The following TENM2 variants were observed in gnomAD, a reference collection of about 807,000 sequenced individuals.
The protein encoded by TENM2 is teneurin transmembrane protein 2.
In TENM2, 52 loss-of-function variants were observed where a neutral mutation model predicts 245.2. That is an observed-to-expected ratio of 0.21 (90% confidence interval 0.17 to 0.27). TENM2 has a LOEUF of 0.27. TENM2 is among the 10% of genes least tolerant of loss of function. TENM2 has a pLI of 1.00. For synonymous variants in TENM2, 1,363 were observed against 1,438.9 expected (o/e 0.95, Z 1.19); for missense variants, 3,046 against 3,666.8 (o/e 0.83, Z 4.37).
At chr5:167,091,168 C>T in the TENM2 span, among the ~76,000 whole-genome samples, 1 of 151,930 alleles carries the variant, frequency 6.6e-6, no homozygotes, top group African/African-American at 2.4e-5. Flanking sequence ...AGATGTGGAA[C>T]AGCTTATTGC....
chr5:167,057,267 A>G, the TENM2 span, among the ~76,000 whole-genome samples: 253 of 152,212 alleles, frequency 1.7e-3, no homozygotes, highest in Non-Finnish European at 2.0e-3. Context: ...TAAGATCCTT[A>G]GCTTATTAAT....
chr5:167,597,553 T>TA (rs1776309023), intron 2 of TENM2, among the ~76,000 whole-genome samples: 2 of 152,210 alleles, frequency 1.3e-5, no homozygotes, highest in African/African-American at 4.8e-5. Context: ...TGGTTCACTT[T>TA]AAACAGAACA....
the TENM2 span, among the ~76,000 whole-genome samples, chr5:167,031,785 G>C: frequency 6.6e-6 from 1 of 152,084 alleles, no homozygotes. Flanking sequence ...GGCTGGTCTC[G>C]AACTCCCGAG....
At chr5:167,168,220 A>G in the TENM2 span, 1 of 152,208 alleles carries the variant, frequency 6.6e-6, no homozygotes, top group Non-Finnish European at 1.5e-5. Context: ...GGGCGAATTT[A>G]TCTTCTGCAA....
the TENM2 span, among the ~76,000 whole-genome samples, chr5:167,161,100 G>C: frequency 6.6e-6 from 1 of 152,226 alleles, no homozygotes; most frequent in African/African-American, 2.4e-5. Context: ...TGATGCAACT[G>C]TTTGAAGAAG....
chr5:167,007,365 G>A, the TENM2 span, among the ~76,000 whole-genome samples: 13 of 152,184 alleles, frequency 8.5e-5, no homozygotes, highest in Admixed American at 8.5e-4. The surrounding 1 kb of genome is among the most constrained non-coding windows in gnomAD (Gnocchi z 4.2). Flanking sequence ...AAGGAAAAGA[G>A]CTTATAGAAA....
chr5:168,219,604 T>G (rs1763485299), intron 23 of TENM2, among the ~76,000 whole-genome samples: 1 of 152,092 alleles, frequency 6.6e-6, no homozygotes, highest in East Asian at 1.9e-4. Context: ...TCAAAGTGTC[T>G]GCTGCTGTAG....
the TENM2 span, among the ~76,000 whole-genome samples, chr5:167,032,431 G>T: frequency 6.6e-6 from 1 of 152,156 alleles, no homozygotes; most frequent in South Asian, 2.1e-4. Context: ...TTTGAAGGGG[G>T]TGAGAAACCT....
At chr5:167,909,927 C>A in intron 3 of TENM2, among the ~76,000 whole-genome samples, 1 of 126,526 alleles carries the variant, frequency 7.9e-6, no homozygotes, top group East Asian at 2.2e-4. Flanking sequence ...TTTTTTTTTT[C>A]CAGCATAAAC....
chr5:168,210,308 T>C (rs1040154414), intron 19 of TENM2, among the ~76,000 whole-genome samples: 3 of 152,146 alleles, frequency 2.0e-5, no homozygotes, highest in Admixed American at 6.5e-5. Context: ...TCCCCCAACA[T>C]AGATCTTATA....
chr5:167,715,489 A>G (rs991526447), intron 2 of TENM2, among the ~76,000 whole-genome samples: 10 of 152,208 alleles, frequency 6.6e-5, no homozygotes, highest in African/African-American at 1.9e-4. Context: ...TGGAATTAAA[A>G]TATCATTTTC....
At chr5:168,148,409 C>G (rs1241977365) in intron 12 of TENM2, among the ~76,000 whole-genome samples, 1 of 152,184 alleles carries the variant, frequency 6.6e-6, no homozygotes, top group Non-Finnish European at 1.5e-5. Context: ...TCTCTTATTT[C>G]TCATACTGTG....
At chr5:168,246,983 G>C in exon 27 of TENM2, 1 of 1,613,970 alleles carries the variant, frequency 6.2e-7, no homozygotes, top group Non-Finnish European at 8.5e-7. Context: ...TTGGGCACCG[G>C]ACGCCAGGTG....
At chr5:167,785,133 G>A (rs1235256228) in intron 2 of TENM2, among the ~76,000 whole-genome samples, 1 of 152,156 alleles carries the variant, frequency 6.6e-6, no homozygotes, top group African/African-American at 2.4e-5. Context: ...GTCTGCCAAG[G>A]CATGTATGTA....
At chr5:167,655,857 T>C (rs1754807677) in intron 2 of TENM2, among the ~76,000 whole-genome samples, 1 of 152,178 alleles carries the variant, frequency 6.6e-6, no homozygotes, top group Admixed American at 6.5e-5. Flanking sequence ...AATACTATCC[T>C]AAACTAGCTC....
chr5:167,833,025 A>G (rs1161680436), intron 2 of TENM2, among the ~76,000 whole-genome samples: 2 of 152,196 alleles, frequency 1.3e-5, no homozygotes, highest in Non-Finnish European at 2.9e-5. Context: ...GGTTTAGTAC[A>G]GAACTAAAAA....
At position 167,718,602 on chromosome 5, in the gene TENM2, A is replaced by G. The variant is rs1759419637; in HGVS notation, c.503-157384A>G. Among the ~76,000 whole-genome samples, 3 of 152,334 alleles carry G rather than the reference A, an allele frequency of 2.0e-5. No homozygotes were observed. In the South Asian group the frequency reaches 6.2e-4, roughly 32 times the overall value. On this transcript the variant is annotated intron_variant, in intron 2 of 28. Coordinates refer to ENST00000518659, the Ensembl canonical transcript of TENM2. The stretch of plus-strand genomic sequence containing the variant: ...CAAATACATAGTTCAAAACAGGTTA[A>G]GTGAGTCTTGATATCTGAATTATTT...
At chr5:167,729,735 GGT>G (rs1479780436) in intron 2 of TENM2, among the ~76,000 whole-genome samples, 4 of 152,020 alleles carry the variant, frequency 2.6e-5, no homozygotes, top group Non-Finnish European at 4.4e-5. Flanking sequence ...TTTTCTTCTG[GGT>G]GTGTCAAAAT....
At chr5:167,470,594 T>C (rs1372876951) in intron 2 of TENM2, among the ~76,000 whole-genome samples, 1 of 151,496 alleles carries the variant, frequency 6.6e-6, no homozygotes, top group African/African-American at 2.4e-5. Flanking sequence ...AAGGAAAGCA[T>C]TATAATAATA....
Sources: gnomAD v4.1 joint callset for allele counts (sites outside exome capture counted in the v4.1 genomes callset) on GRCh38, gnomAD v4.1.1 for gene constraint, Gnocchi (gnomAD v3.1) non-coding constraint, MANE v1.5 for transcripts, NCBI Gene and HGNC (gene_info 2026-07-23, HGNC 2026-07-21) for gene names.